The following PSMD3 variants were observed in gnomAD, a reference collection of about 807,000 sequenced individuals.
PSMD3 encodes the protein proteasome 26S subunit, non-ATPase 3.
Under a neutral mutation model 62.8 loss-of-function variants are expected in PSMD3, and 5 were observed. That is an observed-to-expected ratio of 0.08 (90% CI 0.04 to 0.17). The LOEUF is 0.17. PSMD3 is among the 10% of genes least tolerant of loss of function. PSMD3 has a pLI of 1.00. For missense variants in PSMD3, 524 were observed against 713.6 expected (o/e 0.73, Z 3.03); for synonymous variants, 265 against 283.9 (o/e 0.93, Z 0.67).
chr17:39,983,922 C>CG (rs528573723), intron 1 of PSMD3, among the ~76,000 whole-genome samples: 248 of 151,708 alleles, frequency 1.6e-3, no homozygotes, highest in African/African-American at 5.7e-3. Flanking sequence ...CTTGCCTGGC[C>CG]GGCACGGTGG....
chr17:39,983,433 C>T (rs975292292), intron 1 of PSMD3, among the ~76,000 whole-genome samples: 1 of 152,058 alleles, frequency 6.6e-6, no homozygotes, highest in Non-Finnish European at 1.5e-5. Flanking sequence ...AGCTATTTTT[C>T]CTCTTTGTAT....
intron 2 of PSMD3, among the ~76,000 whole-genome samples, chr17:39,985,710 A>G (rs1443229102): frequency 1.3e-5 from 2 of 152,216 alleles, no homozygotes; most frequent in East Asian, 3.8e-4. Flanking sequence ...TCCACCTTGA[A>G]TATTTTCTGA....
chr17:39,986,781 CCCTGGTG>C, intron 3 of PSMD3, 69 bp downstream of exon 3: 1 of 1,549,388 alleles, frequency 6.5e-7, no homozygotes, highest in Admixed American at 1.7e-5. Context: ...GGGAGATGGT[CCCTGGTG>C]AAGAAATGGA....
chr17:39,990,229 CTT>C (rs4065322), intron 6 of PSMD3, 32 bp downstream of exon 6: 12,387 of 1,135,914 alleles, frequency 0.011, no homozygotes, highest in East Asian at 0.015. Flanking sequence ...CCCTTTGCCT[CTT>C]TTTTTTTTTT....
At position 39,996,439 on chromosome 17, in the gene PSMD3, G is replaced by A. The variant is rs1980787383; in HGVS notation, c.1476+101G>A. 6.2e-6 allele frequency: 9 copies of A among 1,442,536 alleles called. No homozygotes were observed. Among genetic ancestry groups the A allele is most frequent in the Admixed American group, 1.9e-5 (1 of 52,020 alleles). 89.4% of individuals were successfully genotyped at this position (1,442,536 alleles called of 1,614,324 possible). ...AAGACTGGCTTAATTTGTGGCCCAC[G>A]TCCCAGCCAATCTCTGTAAAATCAC... On this transcript the variant is annotated intron_variant, in intron 10 of 11. Coordinates refer to ENST00000264639, the MANE Select transcript of PSMD3 (RefSeq NM_002809.4). This position sits in a 1 kb window ranked among gnomAD's most constrained non-coding sequence, Gnocchi z 5.1.
rs1469536341 is a variant in PSMD3 at position 39,986,614 on chromosome 17, A to G, written c.451A>G (p.Thr151Ala). 6.2e-7 allele frequency: 1 copy of G among 1,614,084 alleles called. No individual in the cohort carries two copies. Among genetic ancestry groups the G allele is most frequent in the South Asian group, 1.1e-5 (1 of 91,070 alleles). Reference sequence around the variant, plus strand: ...GGCTGATTTACAGTTCCGTCCCCGCACGGGAAAAGCTGCGTCGACACCCCT... The same window carrying G: ...GGCTGATTTACAGTTCCGTCCCCGCGCGGGAAAAGCTGCGTCGACACCCCT... ...TEADLQFRPR[T>A]GKAASTPLLP... Residue 151 changes from threonine to alanine, a missense_variant, in exon 3 of 12, where the codon ACG becomes GCG. Thr to Ala is a moderately conservative substitution (Grantham distance 58). Around this residue, in one of 4 missense-constraint regions of PSMD3, gnomAD observed 396 missense variants for 475.8 expected, o/e 0.83. Transcript: ENST00000264639.
At position 39,989,844 on chromosome 17, in the gene PSMD3, C is replaced by T. The variant is rs1227471872; in HGVS notation, c.792C>T (p.Tyr264=). ...LLRNYLHYSL[Y]DQAEKLVSKS... The stretch of plus-strand genomic sequence containing the variant: ...GGAATTACCTACACTACAGCTTGTA[C>T]GACCAGGCTGAGAAGCTGGTGTCCA... Residue 264 remains tyrosine (Y), a synonymous_variant, in exon 5 of 12, where the codon TAC becomes TAT. Transcript: ENST00000264639. The T allele has an allele frequency of 5.6e-6, 9 of 1,614,068 alleles. No individual in the cohort carries two copies. Among genetic ancestry groups the T allele is most frequent in the African/African-American group, 2.7e-5 (2 of 74,928 alleles).
Position 39,984,444 on chromosome 17 carries a change from A to C in PSMD3, c.371A>C (p.Asn124Thr). The change falls in exon 2 of 12, where the codon AAT becomes ACT. Residue 124 changes from asparagine to threonine, a missense_variant. Physicochemically the swap from Asn to Thr is moderately conservative, Grantham distance 65. Coordinates refer to ENST00000264639, the MANE Select transcript of PSMD3 (RefSeq NM_002809.4). The stretch of plus-strand genomic sequence containing the variant: ...GCTGTGCAGGGCTTCTTCACTTCAA[A>C]TAATGCCACTCGAGACTTTTTGCTC... ...YKAVQGFFTS[N>T]NATRDFLLPF... The C allele has an allele frequency of 1.9e-6, 3 of 1,613,156 alleles. No homozygotes were observed. Among genetic ancestry groups the C allele is most frequent in the Non-Finnish European group, 1.7e-6 (2 of 1,179,612 alleles).
chr17:39,997,752 C>G lies in PSMD3; in HGVS notation c.*171C>G. 1.3e-6 allele frequency: 1 copy of G among 749,862 alleles called. No individual in the cohort carries two copies. The allele number at this position is 749,862 out of a possible 1,614,324, so 46.5% of individuals were successfully genotyped here. On this transcript the variant is annotated 3_prime_UTR_variant, in exon 12 of 12. Transcript: ENST00000264639. ...CCCTGACCTCCCCCAGGGCTCCTCC[C>G]CAGCCGGTGACTTACTGTACAGCAG...
chr17:39,986,606 G>A lies in PSMD3; in HGVS notation c.443G>A (p.Arg148His), dbSNP rs769013958. The A allele has an allele frequency of 3.1e-6, 5 of 1,614,068 alleles. No homozygotes were observed. In the South Asian group the frequency reaches 3.3e-5, roughly 11 times the overall value. The change falls in exon 3 of 12, where the codon CGT (arginine) becomes CAT (histidine). Residue 148 changes from arginine to histidine, a missense_variant. Transcript: ENST00000264639. Reference sequence around the variant, plus strand: ...GACACAGAGGCTGATTTACAGTTCCGTCCCCGCACGGGAAAAGCTGCGTCG... The same window carrying A: ...GACACAGAGGCTGATTTACAGTTCCATCCCCGCACGGGAAAAGCTGCGTCG... ...PMDTEADLQFRPRTGKAASTP... is the reference protein window; with the variant it reads ...PMDTEADLQFHPRTGKAASTP...
intron 2 of PSMD3, among the ~76,000 whole-genome samples, chr17:39,984,951 G>C (rs1208688460): frequency 6.6e-6 from 1 of 151,366 alleles, no homozygotes; most frequent in African/African-American, 2.4e-5. Context: ...CGTCATCCCA[G>C]CACTTTGGGA....
chr17:39,988,320 G>A (rs1980574466), intron 3 of PSMD3, among the ~76,000 whole-genome samples: 2 of 152,258 alleles, frequency 1.3e-5, no homozygotes, highest in Non-Finnish European at 2.9e-5. Flanking sequence ...TCATGTAAAT[G>A]GAATTACACA....
At chr17:39,986,835 CT>C in intron 3 of PSMD3, 123 bp downstream of exon 3, 1 of 1,307,566 alleles carries the variant, frequency 7.6e-7, no homozygotes, top group East Asian at 2.4e-5. Context: ...CCCCCACACT[CT>C]TTCCCCATAG....
intron 11 of PSMD3, 25 bp from the exon 12 acceptor site, chr17:39,997,479 T>A: frequency 6.2e-7 from 1 of 1,613,986 alleles, no homozygotes; most frequent in South Asian, 1.1e-5. Flanking sequence ...TCTGAAGCTT[T>A]GGCCTCACTT....
chr17:39,996,236 C>T lies in PSMD3; in HGVS notation c.1374C>T (p.Val458=), dbSNP rs759591625. The change falls in exon 10 of 12, where the codon GTC becomes GTT. Residue 458 remains valine, a synonymous_variant. Coordinates refer to ENST00000264639, the MANE Select transcript of PSMD3 (RefSeq NM_002809.4). The surrounding 1 kb of genome is among the most constrained non-coding windows in gnomAD (Gnocchi z 5.1). ...GCATCAACCACGAGAAGGGCTATGTCCAATCCAAGGAGATGATTGACATCT... is the reference window on the plus strand; with the variant it reads ...GCATCAACCACGAGAAGGGCTATGTTCAATCCAAGGAGATGATTGACATCT... ...EASINHEKGY[V]QSKEMIDIYS... is the part of the protein sequence containing the mutation. 40 of 1,613,980 alleles carry T rather than the reference C, an allele frequency of 2.5e-5. No homozygotes were observed. The highest frequency in any genetic ancestry group is 7.6e-6 in the Non-Finnish European group (9 of 1,180,016).
chr17:39,990,239 T>C, intron 6 of PSMD3, 42 bp downstream of exon 6: 1 of 1,514,422 alleles, frequency 6.6e-7, no homozygotes, highest in Non-Finnish European at 9.0e-7. Flanking sequence ...CTTTTTTTTT[T>C]TTTTTTTTAA....
rs1045194511 is a variant in PSMD3, at chr17:39,980,816, A to C, written c.-155A>C. 3.1e-5 allele frequency: 21 copies of C among 676,536 alleles called. No homozygotes were observed. The highest frequency in any genetic ancestry group is 7.7e-5 in the African/African-American group (4 of 51,634). 41.9% of individuals were successfully genotyped at this position (676,536 alleles called of 1,614,324 possible). On this transcript the variant is annotated 5_prime_UTR_variant, in exon 1 of 12. Transcript: ENST00000264639. ...GGGCCTGGCGTTTCCCAGAAGGCCC[A>C]GCGCCGGGAAGGGGTTTGCAGCTGC...
chr17:39,985,747 G>A (rs982899488), intron 2 of PSMD3, among the ~76,000 whole-genome samples: 5 of 152,242 alleles, frequency 3.3e-5, no homozygotes, highest in East Asian at 1.9e-4. Flanking sequence ...CTCACGAAAC[G>A]TGATTATTTT....
Position 39,997,895 on chromosome 17 carries a change from C to T in PSMD3, c.*314C>T. The T allele has an allele frequency of 2.4e-6, 1 of 416,970 alleles. No homozygotes were observed. Among genetic ancestry groups the T allele is most frequent in the Non-Finnish European group, 4.4e-6 (1 of 226,802 alleles). The allele number at this position is 416,970 out of a possible 1,614,324, so 25.8% of individuals were successfully genotyped here. Reference sequence around the variant, plus strand: ...GAGTGGGGGACTAGAACTGGGATGTCTTGGCTTGTATGTTTTTTGAAGCTT... The same window carrying T: ...GAGTGGGGGACTAGAACTGGGATGTTTTGGCTTGTATGTTTTTTGAAGCTT... On this transcript the variant is annotated 3_prime_UTR_variant, in exon 12 of 12. Coordinates refer to ENST00000264639, the MANE Select transcript of PSMD3 (RefSeq NM_002809.4).
Sources: gnomAD v4.1 joint callset for allele counts (sites outside exome capture counted in the v4.1 genomes callset) on GRCh38, gnomAD v4.1.1 for gene constraint, gnomAD v4.1.1 regional missense constraint, Gnocchi (gnomAD v3.1) non-coding constraint, MANE v1.5 for transcripts, NCBI Gene and HGNC (gene_info 2026-07-23, HGNC 2026-07-21) for gene names.